The following CFI variants were observed in gnomAD, a reference collection of about 807,000 sequenced individuals.
CFI encodes complement factor I.
In CFI, 66 loss-of-function variants were observed where a neutral mutation model predicts 78.8. The ratio of observed to expected loss-of-function variants is 0.84; its 90% CI spans 0.69 to 1.03. The LOEUF (loss-of-function observed/expected upper bound fraction) is 1.03, where lower values mean the gene tolerates loss of function less well. Ranked by LOEUF, CFI falls within the 50% of genes least tolerant of loss-of-function variation. The pLI is 0.00. For missense variants in CFI, 706 were observed against 704.5 expected (o/e 1.00, Z -0.02); for synonymous variants, 250 against 232.6 (o/e 1.07, Z -0.68).
rs367677199 is a variant in CFI at position 109,764,565 on chromosome 4, C to T, written c.454G>A (p.Val152Met). ...KSSWSMREAN[V>M]ACLDLGFQQG... The stretch of plus-strand genomic sequence containing the variant: ...TGAAACCCAAGGTCAAGGCAGGCCA[C>T]GTTGGCTTCCCTCATGCTCCAGCTG... The change falls in exon 3 of 13, where the codon GTG (valine) becomes ATG (methionine). Residue 152 changes from valine (V) to methionine (M), a missense_variant. Coordinates refer to ENST00000394634, the MANE Select transcript of CFI (RefSeq NM_000204.5). 9.2e-5 allele frequency: 149 copies of T among 1,613,992 alleles called. No homozygotes were observed. Among genetic ancestry groups the T allele is most frequent in the Non-Finnish European group, 1.2e-4 (144 of 1,180,022 alleles).
At chr4:109,759,522 A>T (rs1362419240) in intron 6 of CFI, among the ~76,000 whole-genome samples, 2 of 152,190 alleles carry the variant, frequency 1.3e-5, no homozygotes, top group Non-Finnish European at 2.9e-5. Context: ...TACAAATGAG[A>T]GAATGAATGG....
rs536548234 is a variant in CFI at position 109,756,679 on chromosome 4, G to A, written c.904+1084C>T. On this transcript the variant is annotated intron_variant, in intron 7 of 12. Coordinates refer to ENST00000394634, the MANE Select transcript of CFI (RefSeq NM_000204.5). ...GTTCAAGATCAGCCTGGCCAAGATG[G>A]TGAAACCCCATCTCCACTAAAAATA... Among the ~76,000 whole-genome samples the A allele has an allele frequency of 2.6e-5, 4 of 151,704 alleles. No homozygotes were observed. In the East Asian group the frequency reaches 8.0e-4, roughly 30 times the overall value.
intron 1 of CFI, among the ~76,000 whole-genome samples, chr4:109,769,911 A>G (rs1165802323): frequency 6.6e-6 from 1 of 152,018 alleles, no homozygotes; most frequent in Non-Finnish European, 1.5e-5. Context: ...CCTTTCAGGT[A>G]TGGGTCAAGT....
At chr4:109,737,056 C>G (rs1723413182), downstream of CFI, among the ~76,000 whole-genome samples, 1 of 152,116 alleles carries the variant, frequency 6.6e-6, no homozygotes, top group African/African-American at 2.4e-5. Flanking sequence ...CAGTGCCATC[C>G]TTTTTATCCC....
intron 1 of CFI, among the ~76,000 whole-genome samples, chr4:109,784,695 T>C (rs781268262): frequency 2.0e-5 from 3 of 152,160 alleles, no homozygotes; most frequent in Non-Finnish European, 4.4e-5. Context: ...AAGTCAGTTC[T>C]TTCTCTCCAT....
At chr4:109,772,027 T>G (rs192082503) in intron 1 of CFI, among the ~76,000 whole-genome samples, 1 of 152,344 alleles carries the variant, frequency 6.6e-6, no homozygotes, top group Admixed American at 6.5e-5. Flanking sequence ...TACTTATAAT[T>G]TCCTATTGTA....
At chr4:109,771,867 TAGGCTAAGGGG>T (rs1489192810) in intron 1 of CFI, among the ~76,000 whole-genome samples, 1 of 151,868 alleles carries the variant, frequency 6.6e-6, no homozygotes, top group Non-Finnish European at 1.5e-5. Flanking sequence ...ATCATGGTTA[TAGGCTAAGGGG>T]AGGAATTTAA....
In CFI at chr4:109,742,470, G is replaced by A. The variant is rs992141425; in HGVS notation, c.1534+21C>T. ...GAAATACATACATCTTGACATCTTGGATAAACCACTTGGCACTTACCTGCA... is the reference window on the plus strand; with the variant it reads ...GAAATACATACATCTTGACATCTTGAATAAACCACTTGGCACTTACCTGCA... On this transcript the variant is annotated intron_variant, in intron 12 of 12. Coordinates refer to ENST00000394634, the MANE Select transcript of CFI (RefSeq NM_000204.5). 5.4e-6 allele frequency: 8 copies of A among 1,480,620 alleles called. 1 individual carries two copies. Among genetic ancestry groups the A allele is most frequent in the Non-Finnish European group, 7.6e-6 (8 of 1,058,580 alleles). 91.7% of individuals were successfully genotyped at this position (1,480,620 alleles called of 1,614,324 possible).
At chr4:109,772,405 G>C (rs180952846) in intron 1 of CFI, among the ~76,000 whole-genome samples, 28 of 152,342 alleles carry the variant, frequency 1.8e-4, no homozygotes, top group Admixed American at 6.5e-4. Context: ...ATATGTCTAT[G>C]TACACCTGTG....
At chr4:109,756,575 A>G (rs912702214) in intron 7 of CFI, among the ~76,000 whole-genome samples, 2 of 151,992 alleles carry the variant, frequency 1.3e-5, no homozygotes, top group African/African-American at 4.8e-5. Context: ...CAGGAATCCT[A>G]AGAAATCCTG....
chr4:109,737,727 T>G (rs1029480616), downstream of CFI, among the ~76,000 whole-genome samples: 4 of 152,238 alleles, frequency 2.6e-5, no homozygotes, highest in Non-Finnish European at 1.5e-5. Flanking sequence ...GAGCGTTATT[T>G]CCAGATGTGT....
downstream of CFI, among the ~76,000 whole-genome samples, chr4:109,739,787 C>G (rs969448380): frequency 4.6e-5 from 7 of 151,994 alleles, no homozygotes; most frequent in Admixed American, 4.6e-4. Flanking sequence ...AGAGAAGCAA[C>G]CAGAAGGAAG....
In CFI at chr4:109,801,979, G is replaced by T. The variant is rs1349681830; in HGVS notation, c.-8C>A. On this transcript the variant is annotated 5_prime_UTR_variant, in exon 1 of 13. Coordinates refer to ENST00000394634, the MANE Select transcript of CFI (RefSeq NM_000204.5). The stretch of plus-strand genomic sequence containing the variant: ...AACATGAAGAAGCTTCATGTTGGAG[G>T]TGTTCGGGGTCTTTGTCTCTGCTGA... 6.2e-7 allele frequency: 1 copy of T among 1,610,208 alleles called. No individual in the cohort carries two copies. The highest frequency in any genetic ancestry group is 8.5e-7 in the Non-Finnish European group (1 of 1,176,794).
chr4:109,749,800 C>T (rs1216855607), intron 8 of CFI, among the ~76,000 whole-genome samples, 198 bp from the exon 9 acceptor site: 2 of 152,080 alleles, frequency 1.3e-5, no homozygotes, highest in Non-Finnish European at 2.9e-5. Context: ...TTAAAATTGG[C>T]TTGATTCTCT....
At chr4:109,738,693 C>A (rs1723523943), downstream of CFI, among the ~76,000 whole-genome samples, 1 of 152,142 alleles carries the variant, frequency 6.6e-6, no homozygotes, top group Non-Finnish European at 1.5e-5. Context: ...GTGCCCCCGG[C>A]CCTGCCATGT....
At chr4:109,751,721 C>A (rs1462895699) in intron 8 of CFI, among the ~76,000 whole-genome samples, 1 of 152,104 alleles carries the variant, frequency 6.6e-6, no homozygotes. Flanking sequence ...GATTACAGGC[C>A]TGAGCCACTG....
At chr4:109,761,456 G>T in intron 4 of CFI, 61 bp downstream of exon 4, 2 of 1,470,708 alleles carry the variant, frequency 1.4e-6, no homozygotes, top group Non-Finnish European at 1.9e-6. Flanking sequence ...TTTACTATAG[G>T]CTTGGTGTAA....
chr4:109,769,802 G>A (rs887378459), intron 1 of CFI, among the ~76,000 whole-genome samples: 1 of 152,176 alleles, frequency 6.6e-6, no homozygotes, highest in Non-Finnish European at 1.5e-5. Context: ...ACACCTGTCT[G>A]TTGCCTGCCC....
intron 1 of CFI, among the ~76,000 whole-genome samples, chr4:109,788,756 A>G (rs1048769833): frequency 1.3e-5 from 2 of 152,110 alleles, no homozygotes; most frequent in Non-Finnish European, 2.9e-5. Flanking sequence ...CAGATATATA[A>G]TCAAATCTGT....
Sources: allele counts gnomAD v4.1 joint callset (sites outside exome capture counted in the v4.1 genomes callset), GRCh38; gene constraint gnomAD v4.1.1; transcripts MANE v1.5; gene names NCBI Gene and HGNC (gene_info 2026-07-23, HGNC 2026-07-21).